Variants in MEI4 observed in about 807,000 individuals in gnomAD.
The protein encoded by MEI4 is meiotic double-stranded break formation protein 4, also known as meiosis-specific protein MEI4.
Under a neutral mutation model 31.4 loss-of-function variants are expected in MEI4, and 27 were observed. The ratio of observed to expected loss-of-function variants is 0.86; its 90% CI spans 0.63 to 1.19. The LOEUF is 1.19. MEI4 is among the 50% of genes most tolerant of loss of function. The pLI, the probability that MEI4 is intolerant of heterozygous loss-of-function variation, is 0.00. For missense variants in MEI4, 329 were observed against 398.9 expected, an observed-to-expected ratio of 0.82 and a Z score of 1.49; for synonymous variants, 122 against 145.4, an observed-to-expected ratio of 0.84 and a Z score of 1.16.
intron 3 of MEI4, among the ~76,000 whole-genome samples, chr6:77,818,227 C>T (rs763921132): frequency 2.0e-5 from 3 of 152,036 alleles, no homozygotes; most frequent in Non-Finnish European, 4.4e-5. Context: ...AAATGAACAT[C>T]TCTGGAAAAT....
chr6:77,814,332 C>T (rs960553096), intron 3 of MEI4, among the ~76,000 whole-genome samples: 1 of 152,080 alleles, frequency 6.6e-6, no homozygotes, highest in South Asian at 2.1e-4. Flanking sequence ...AGAGATAAAA[C>T]AGGGCTCAAG....
intron 2 of MEI4, among the ~76,000 whole-genome samples, chr6:77,733,534 C>A (rs76732167): frequency 0.15 from 22,857 of 151,822 alleles, 2,138 homozygotes; most frequent in East Asian, 0.4. Flanking sequence ...CTTTATTAGT[C>A]TTGCTAGCGG....
chr6:77,746,234 T>G (rs533154825), intron 2 of MEI4, among the ~76,000 whole-genome samples: 1 of 152,178 alleles, frequency 6.6e-6, no homozygotes, highest in African/African-American at 2.4e-5. Flanking sequence ...GCAAGACTAA[T>G]AAAGAAGAAA....
At chr6:77,661,158 A>C (rs1768498205) in intron 1 of MEI4, among the ~76,000 whole-genome samples, 2 of 152,192 alleles carry the variant, frequency 1.3e-5, no homozygotes, top group African/African-American at 4.8e-5. Flanking sequence ...AGTACTGTCC[A>C]ATCCTTTTTA....
intron 4 of MEI4, among the ~76,000 whole-genome samples, chr6:77,856,448 C>T (rs1417571289): frequency 1.3e-5 from 2 of 152,082 alleles, no homozygotes; most frequent in Non-Finnish European, 2.9e-5. Context: ...AGAAGGTTGC[C>T]TGAATTTATC....
At chr6:77,763,398 T>A (rs1267523832) in intron 3 of MEI4, among the ~76,000 whole-genome samples, 2 of 152,166 alleles carry the variant, frequency 1.3e-5, no homozygotes, top group Admixed American at 6.5e-5. Flanking sequence ...GTTGTCCTTG[T>A]GGTCTAGGTT....
At chr6:77,804,380 T>C (rs1769371248) in intron 3 of MEI4, among the ~76,000 whole-genome samples, 4 of 152,212 alleles carry the variant, frequency 2.6e-5, no homozygotes. Context: ...GGAAAGGGAA[T>C]TCCCTGACCC....
At chr6:77,840,310 G>GA in intron 4 of MEI4, among the ~76,000 whole-genome samples, 1 of 152,146 alleles carries the variant, frequency 6.6e-6, no homozygotes, top group South Asian at 2.1e-4. Flanking sequence ...CTAATCTTAA[G>GA]AAAAAAGTTA....
chr6:77,781,168 A>T (rs887160622), intron 3 of MEI4, among the ~76,000 whole-genome samples: 12 of 152,264 alleles, frequency 7.9e-5, no homozygotes, highest in African/African-American at 2.4e-4. Flanking sequence ...AATGTGCTGG[A>T]ATCATAGGTT....
In MEI4 at chr6:77,716,748, A is replaced by T. The variant is rs576544818; in HGVS notation, c.232+25845A>T. 3.1e-4 allele frequency: 96 copies of T among 308,082 alleles called. 2 individuals carry two copies. The highest frequency in any genetic ancestry group is 1.5e-3 in the African/African-American group (67 of 44,486). 19.1% of individuals were successfully genotyped at this position (308,082 alleles called of 1,614,324 possible). A position where few individuals can be genotyped will look rare whatever the true frequency, so the allele number is the denominator to read the frequency against. ...CCAAGTGAAGAGAATGTATATTTTT[A>T]AAATTTTATTTTACTTTATTTTTCT... is the stretch of plus-strand genomic sequence containing the variant. On this transcript the variant is annotated intron_variant, in intron 2 of 4. Coordinates refer to ENST00000684080, the MANE Select transcript of MEI4 (RefSeq NM_001322247.2).
chr6:77,697,249 T>C (rs1182290942), intron 2 of MEI4, among the ~76,000 whole-genome samples: 4 of 152,204 alleles, frequency 2.6e-5, no homozygotes, highest in Non-Finnish European at 4.4e-5. Context: ...TGAAGAGTTT[T>C]TTGTGTCTCT....
At chr6:77,755,336 A>G (rs1767887466) in intron 2 of MEI4, among the ~76,000 whole-genome samples, 1 of 152,248 alleles carries the variant, frequency 6.6e-6, no homozygotes, top group African/African-American at 2.4e-5. Context: ...AGGGTTCAGC[A>G]AAATGAAATA....
chr6:77,922,764 C>G (rs546644935), intron 4 of MEI4, among the ~76,000 whole-genome samples: 1 of 151,594 alleles, frequency 6.6e-6, no homozygotes, highest in Non-Finnish European at 1.5e-5. Context: ...TTGAATTTAA[C>G]ACTGGTATGA....
Position 77,677,534 on chromosome 6 carries a change from T to C in MEI4, c.-14-13124T>C, listed in dbSNP as rs559608439. ...TTTTGATTTTACTTCAGTTATGTCT[T>C]TTCTGTCCTGACACTTTTTCTCCTA... On this transcript the variant is annotated intron_variant, in intron 1 of 4. Transcript: ENST00000684080. Among the ~76,000 whole-genome samples the C allele has an allele frequency of 2.0e-5, 3 of 152,360 alleles. No homozygotes were observed. The South Asian group carries it at 6.2e-4, about 32-fold the overall frequency.
chr6:77,794,108 C>T (rs532243252), intron 3 of MEI4, among the ~76,000 whole-genome samples: 10 of 152,200 alleles, frequency 6.6e-5, no homozygotes, highest in South Asian at 2.1e-4. Context: ...GGATGGAAAG[C>T]GATATTCCAT....
At chr6:77,707,351 T>C (rs1284279245) in intron 2 of MEI4, among the ~76,000 whole-genome samples, 1 of 152,160 alleles carries the variant, frequency 6.6e-6, no homozygotes, top group Non-Finnish European at 1.5e-5. Context: ...TAAGCAGTAA[T>C]GTTTAGCATT....
chr6:77,768,038 G>A (rs1768217969), intron 3 of MEI4, among the ~76,000 whole-genome samples: 1 of 152,084 alleles, frequency 6.6e-6, no homozygotes, highest in African/African-American at 2.4e-5. Flanking sequence ...CTTATTATCT[G>A]TTCAGACAAC....
At position 77,761,291 on chromosome 6, in the gene MEI4, C is replaced by T. The variant is rs1419257746; in HGVS notation, c.394C>T (p.Pro132Ser). 3 of 1,232,656 alleles carry T rather than the reference C, an allele frequency of 2.4e-6. No individual in the cohort carries two copies. Among genetic ancestry groups the T allele is most frequent in the Non-Finnish European group, 3.0e-6 (3 of 988,070 alleles). The allele number at this position is 1,232,656 out of a possible 1,614,324, so 76.4% of individuals were successfully genotyped here. A position where few individuals can be genotyped will look rare whatever the true frequency, so the allele number is the denominator to read the frequency against. Residue 132 changes from proline to serine, a missense_variant, in exon 3 of 5, where the codon CCA becomes TCA. Coordinates refer to ENST00000684080, the MANE Select transcript of MEI4 (RefSeq NM_001322247.2). Reference protein sequence around the residue: ...VESCTPTHFPPLPLVKRPCAI... With the variant: ...VESCTPTHFPSLPLVKRPCAI... ...AAGCTGTACCCCCACTCACTTTCCACCACTGCCTCTTGTGAAAAGACCTTG... is the reference window on the plus strand; with the variant it reads ...AAGCTGTACCCCCACTCACTTTCCATCACTGCCTCTTGTGAAAAGACCTTG...
chr6:77,782,190 CTGTT>C (rs1179982229), intron 3 of MEI4, among the ~76,000 whole-genome samples: 2 of 151,958 alleles, frequency 1.3e-5, no homozygotes, highest in African/African-American at 4.8e-5. Context: ...AAAAGTTAAA[CTGTT>C]AGTTAGGATT....
Sources: allele counts gnomAD v4.1 joint callset (sites outside exome capture counted in the v4.1 genomes callset), GRCh38; gene constraint gnomAD v4.1.1; transcripts MANE v1.5; gene names NCBI Gene and HGNC (gene_info 2026-07-23, HGNC 2026-07-21).